Variants in NFIC observed in about 807,000 individuals in gnomAD.
NFIC encodes nuclear factor 1 C-type.
In NFIC, 12 loss-of-function variants were observed where a neutral mutation model predicts 54.4. The ratio of observed to expected loss-of-function variants is 0.22; its 90% CI spans 0.14 to 0.36. NFIC has a LOEUF of 0.36. Among genes scored for constraint, NFIC ranks in the 10% least tolerant of loss-of-function variants. NFIC has a pLI of 1.00. For synonymous variants in NFIC, 322 were observed against 319.2 expected, an observed-to-expected ratio of 1.01 and a Z score of -0.09; for missense variants, 575 against 718.2, an observed-to-expected ratio of 0.80 and a Z score of 2.28.
At chr19:3,408,071 A>AG (rs2081683505) in intron 2 of NFIC, among the ~76,000 whole-genome samples, 1 of 152,088 alleles carries the variant, frequency 6.6e-6, no homozygotes, top group Non-Finnish European at 1.5e-5. Context: ...TGAGGTTGGG[A>AG]GGCGGACGTG....
chr19:3,429,192 G>A (rs1287909796), intron 3 of NFIC, among the ~76,000 whole-genome samples: 1 of 101,810 alleles, frequency 9.8e-6, no homozygotes, highest in Non-Finnish European at 1.8e-5. Context: ...AGGAGTTCAA[G>A]ACCAGCCTGG....
rs560460447 is a variant in NFIC at position 3,380,066 on chromosome 19, T to A, written c.31-1646T>A. On this transcript the variant is annotated intron_variant, in intron 1 of 10. Coordinates refer to ENST00000443272, the MANE Select transcript of NFIC (RefSeq NM_001245002.2). Reference sequence around the variant, plus strand: ...CCCAGGCTGGAGTGCAGTGGCGCAATCTCGGCTCACTGCAAGCTCCGCCTC... The same window carrying A: ...CCCAGGCTGGAGTGCAGTGGCGCAAACTCGGCTCACTGCAAGCTCCGCCTC... Among the ~76,000 whole-genome samples, 6 of 151,484 alleles carry A rather than the reference T, an allele frequency of 4.0e-5. 1 individual carries two copies. In the South Asian group the frequency reaches 1.3e-3, roughly 32 times the overall value.
chr19:3,367,214 G>A (rs1186425696), intron 1 of NFIC, among the ~76,000 whole-genome samples: 2 of 152,322 alleles, frequency 1.3e-5, no homozygotes, highest in Admixed American at 6.5e-5. Flanking sequence ...CTCGTTATTG[G>A]CCCACGTGTG....
chr19:3,417,171 C>A (rs972168521), intron 2 of NFIC, among the ~76,000 whole-genome samples: 1 of 151,954 alleles, frequency 6.6e-6, no homozygotes, highest in Non-Finnish European at 1.5e-5. Context: ...AGGCGTGTGC[C>A]ACCACGCCTG....
chr19:3,405,038 G>T (rs928842102), intron 2 of NFIC, among the ~76,000 whole-genome samples: 1 of 152,210 alleles, frequency 6.6e-6, no homozygotes, highest in Non-Finnish European at 1.5e-5. Context: ...ACCAGCGCCC[G>T]GGAGGGCCCG....
intron 3 of NFIC, among the ~76,000 whole-genome samples, chr19:3,425,439 T>C (rs2082013020): frequency 1.3e-5 from 2 of 152,164 alleles, no homozygotes; most frequent in Admixed American, 6.5e-5. Flanking sequence ...TTGAGGGTTT[T>C]TGTTTGTTTT....
Position 3,463,748 on chromosome 19 carries a change from C to G in NFIC, c.*979C>G. On this transcript the variant is annotated 3_prime_UTR_variant, in exon 11 of 11. Transcript: ENST00000443272. ...TTCCGAGGAAGGGGATGGGGGAGCCCGGACACCCAGAGCTCCCCGAGTTGG... is the reference window on the plus strand; with the variant it reads ...TTCCGAGGAAGGGGATGGGGGAGCCGGGACACCCAGAGCTCCCCGAGTTGG... 1 of 985,380 alleles carries G rather than the reference C, an allele frequency of 1.0e-6. No individual in the cohort carries two copies. The highest frequency in any genetic ancestry group is 1.2e-6 in the Non-Finnish European group (1 of 830,020). 61.0% of individuals were successfully genotyped at this position (985,380 alleles called of 1,614,324 possible).
intron 6 of NFIC, among the ~76,000 whole-genome samples, chr19:3,446,364 G>C (rs1330209013): frequency 6.6e-6 from 1 of 151,888 alleles, no homozygotes; most frequent in African/African-American, 2.4e-5. Context: ...GTGATGTCTG[G>C]GGACATCTGT....
rs2082723139 is a variant in NFIC, at chr19:3,466,821, C to T, written c.*4052C>T. The T allele has an allele frequency of 6.6e-6, 1 of 152,368 alleles. No individual in the cohort carries two copies. The highest frequency in any genetic ancestry group is 2.4e-5 in the African/African-American group (1 of 41,442). The allele number at this position is 152,368 out of a possible 1,614,324, so 9.4% of individuals were successfully genotyped here. A position where few individuals can be genotyped will look rare whatever the true frequency, so the allele number is the denominator to read the frequency against. ...GAGTCCTGGGCTGGACGCCACCCTT[C>T]TCACCCCGAGCTTGCCTCCTTGGCT... On this transcript the variant is annotated 3_prime_UTR_variant, in exon 11 of 11. Transcript: ENST00000443272. The surrounding 1 kb of genome is among the most constrained non-coding windows in gnomAD (Gnocchi z 4.8).
intron 6 of NFIC, among the ~76,000 whole-genome samples, chr19:3,437,050 C>T (rs897626777): frequency 3.3e-5 from 5 of 152,076 alleles, no homozygotes; most frequent in Non-Finnish European, 5.9e-5. Context: ...AACGGGAGGT[C>T]ACTGTCATCC....
At chr19:3,379,669 CTTTCTTT>C (rs2081167191) in intron 1 of NFIC, among the ~76,000 whole-genome samples, 1 of 99,528 alleles carries the variant, frequency 1.0e-5, no homozygotes, top group Non-Finnish European at 1.9e-5. Flanking sequence ...TTTTTTATTT[CTTTCTTT>C]TTTTTTTTTT....
chr19:3,388,712 C>T (rs2081335494), intron 2 of NFIC, among the ~76,000 whole-genome samples: 1 of 152,136 alleles, frequency 6.6e-6, no homozygotes, highest in Admixed American at 6.5e-5. Context: ...CCTGTAGTCC[C>T]AGCTACTCGG....
intron 1 of NFIC, among the ~76,000 whole-genome samples, chr19:3,368,913 C>CTGTGTGTGTGTGTGTGTGTGTGTGTG (rs59920512): frequency 2.2e-4 from 33 of 147,066 alleles, no homozygotes; most frequent in African/African-American, 8.2e-4. Flanking sequence ...TGCTCTGACT[C>CTGTGTGTGTGTGTGTGTGTGTGTGTG]TGTGTGTGTG....
rs571261116 is a variant in NFIC at position 3,398,751 on chromosome 19, C to G, written c.562+16508C>G. Among the ~76,000 whole-genome samples the G allele has an allele frequency of 1.4e-4, 21 of 152,260 alleles. No homozygotes were observed. The South Asian group carries it at 4.4e-3, about 32-fold the overall frequency. ...GATGGACAAGCCTGTGCCTCGCTGC[C>G]TTATGTAACCAGTTTATGCAAGGGC... On this transcript the variant is annotated intron_variant, in intron 2 of 10. Transcript: ENST00000443272.
intron 6 of NFIC, among the ~76,000 whole-genome samples, chr19:3,443,084 C>A (rs373405751): frequency 5.7e-4 from 87 of 152,232 alleles, no homozygotes; most frequent in African/African-American, 1.9e-3. Context: ...CCCCAGGGAA[C>A]GAGCCAGCCC....
chr19:3,426,169 G>A (rs562298710), intron 3 of NFIC, among the ~76,000 whole-genome samples: 7 of 150,550 alleles, frequency 4.6e-5, no homozygotes, highest in East Asian at 2.0e-4. Context: ...TCCTGACCTC[G>A]TGATCCACCC....
rs1225558836 is a variant in NFIC, at chr19:3,464,289, G to T, written c.*1520G>T. ...ACGGGGAGGGTTTTCGGGGGGTTCG[G>T]CGTCGCACCTTGGGGCCCCCCGCAG... On this transcript the variant is annotated 3_prime_UTR_variant, in exon 11 of 11. Transcript: ENST00000443272. 1.0e-6 allele frequency: 1 copy of T among 985,334 alleles called. No individual in the cohort carries two copies. The highest frequency in any genetic ancestry group is 6.1e-5 in the Admixed American group (1 of 16,284). 61.0% of individuals were successfully genotyped at this position (985,334 alleles called of 1,614,324 possible).
chr19:3,408,863 C>T (rs531519892), intron 2 of NFIC, among the ~76,000 whole-genome samples: 4 of 152,156 alleles, frequency 2.6e-5, no homozygotes, highest in Non-Finnish European at 5.9e-5. Flanking sequence ...GGATTATAGG[C>T]GTGAGCCACC....
intron 2 of NFIC, among the ~76,000 whole-genome samples, chr19:3,388,346 C>T (rs1599593912): frequency 1.3e-5 from 2 of 152,072 alleles, no homozygotes; most frequent in Admixed American, 6.6e-5. Context: ...TGCCAGGCTC[C>T]GAGGCCACCG....
Sources: gnomAD v4.1 joint callset for allele counts (sites outside exome capture counted in the v4.1 genomes callset) on GRCh38, gnomAD v4.1.1 for gene constraint, Gnocchi (gnomAD v3.1) non-coding constraint, MANE v1.5 for transcripts, NCBI Gene and HGNC (gene_info 2026-07-23, HGNC 2026-07-21) for gene names.